RUNDC3B: variants seen among roughly 807,000 people sequenced by gnomAD.
RUNDC3B encodes the protein RUN domain-containing protein 3B.
A neutral mutation model predicts 58.4 loss-of-function variants in RUNDC3B; 33 were observed. The ratio of observed to expected loss-of-function variants is 0.56; its 90% CI spans 0.43 to 0.75. RUNDC3B has a LOEUF of 0.75. Among genes scored for constraint, RUNDC3B ranks in the 30% least tolerant of loss-of-function variants. The pLI is 0.00. For synonymous variants in RUNDC3B, 193 were observed against 195.2 expected (o/e 0.99, Z 0.10); for missense variants, 501 against 535.7 (o/e 0.94, Z 0.64).
intron 2 of RUNDC3B, among the ~76,000 whole-genome samples, chr7:87,682,550 TG>T (rs1827032700): frequency 6.6e-6 from 1 of 152,248 alleles, no homozygotes. Flanking sequence ...ATTAATCTCC[TG>T]GTACATCTCT....
At chr7:87,649,996 T>C (rs1823418547) in intron 1 of RUNDC3B, among the ~76,000 whole-genome samples, 1 of 152,194 alleles carries the variant, frequency 6.6e-6, no homozygotes, top group South Asian at 2.1e-4. Flanking sequence ...ATCTCTTTCC[T>C]TTATAAATTA....
At position 87,643,367 on chromosome 7, in the gene RUNDC3B, T is replaced by G. The variant is rs1822644403; in HGVS notation, c.123-7455T>G. ...ATAAAAGTTTATTTACAAAAACATTTAACTAGTTGTATTAGGCCTGTGGAC... is the reference window on the plus strand; with the variant it reads ...ATAAAAGTTTATTTACAAAAACATTGAACTAGTTGTATTAGGCCTGTGGAC... On this transcript the variant is annotated intron_variant, in intron 1 of 10. Coordinates refer to ENST00000394654, the MANE Select transcript of RUNDC3B (RefSeq NM_001134405.2). Among the ~76,000 whole-genome samples the G allele has an allele frequency of 3.3e-5, 5 of 152,304 alleles. No homozygotes were observed. In the South Asian group the frequency reaches 8.3e-4, roughly 25 times the overall value.
chr7:87,793,625 A>G (rs1006860797), intron 8 of RUNDC3B, among the ~76,000 whole-genome samples: 3 of 152,166 alleles, frequency 2.0e-5, no homozygotes, highest in African/African-American at 7.2e-5. Context: ...AACATTCAAC[A>G]TTCCTTCATG....
At chr7:87,775,527 G>A (rs1260192875) in intron 7 of RUNDC3B, among the ~76,000 whole-genome samples, 1 of 152,112 alleles carries the variant, frequency 6.6e-6, no homozygotes, top group Non-Finnish European at 1.5e-5. Flanking sequence ...GTATAGCCTA[G>A]GCGTACAGTG....
At chr7:87,734,180 A>G (rs1477113679) in intron 4 of RUNDC3B, among the ~76,000 whole-genome samples, 2 of 152,224 alleles carry the variant, frequency 1.3e-5, no homozygotes, top group Non-Finnish European at 2.9e-5. Flanking sequence ...AATCTTTCAT[A>G]CATTGCTGGT....
intron 4 of RUNDC3B, among the ~76,000 whole-genome samples, chr7:87,735,549 G>A (rs1006931758): frequency 3.3e-5 from 5 of 152,128 alleles, no homozygotes; most frequent in African/African-American, 1.2e-4. Flanking sequence ...TGTCTATCTT[G>A]GACAAATTGC....
chr7:87,710,509 G>T (rs1435311760), intron 3 of RUNDC3B, 61 bp from the exon 4 acceptor site: 8 of 907,418 alleles, frequency 8.8e-6, no homozygotes, highest in Non-Finnish European at 1.4e-5. Flanking sequence ...ATTTTTGATG[G>T]CACAGTGGCA....
chr7:87,807,811 C>T (rs1836516312), intron 9 of RUNDC3B, among the ~76,000 whole-genome samples: 1 of 151,940 alleles, frequency 6.6e-6, no homozygotes, highest in Non-Finnish European at 1.5e-5. Flanking sequence ...GTGGTATTTG[C>T]CTTAGGACTA....
chr7:87,829,512 A>C (rs1323185429), intron 10 of RUNDC3B, among the ~76,000 whole-genome samples: 1 of 152,094 alleles, frequency 6.6e-6, no homozygotes, highest in African/African-American at 2.4e-5. Context: ...ATACATGTGC[A>C]GCTTTATTTC....
At chr7:87,806,946 C>A (rs924899775) in intron 8 of RUNDC3B, among the ~76,000 whole-genome samples, 1 of 151,206 alleles carries the variant, frequency 6.6e-6, no homozygotes, top group African/African-American at 2.4e-5. Flanking sequence ...TTTTCCTTTA[C>A]TTGAATTAAA....
intron 2 of RUNDC3B, among the ~76,000 whole-genome samples, chr7:87,694,383 C>G (rs1828305619): frequency 6.6e-6 from 1 of 152,140 alleles, no homozygotes; most frequent in Admixed American, 6.5e-5. Flanking sequence ...CCTTTATTTA[C>G]TTATTCAAAC....
At chr7:87,672,289 T>C (rs1825900787) in intron 2 of RUNDC3B, among the ~76,000 whole-genome samples, 1 of 152,226 alleles carries the variant, frequency 6.6e-6, no homozygotes, top group Non-Finnish European at 1.5e-5. Flanking sequence ...AGTTGTGCTA[T>C]GCTGGGGGAT....
rs200180634 is a variant in RUNDC3B, at chr7:87,830,440, CAA to C, written c.*428_*429del. On this transcript the variant is annotated 3_prime_UTR_variant, in exon 11 of 11. Transcript: ENST00000394654. ...GTATTTTTTCATTCTTTCAGATTTT[CAA>C]AAAAAAAAAAAAAAAAAGTTAATTT... The C allele has an allele frequency of 5.2e-4, 39 of 74,432 alleles. No homozygotes were observed. The highest frequency in any genetic ancestry group is 2.2e-3 in the East Asian group (6 of 2,738). The allele number at this position is 74,432 out of a possible 1,614,324, so 4.6% of individuals were successfully genotyped here. A position where few individuals can be genotyped will look rare whatever the true frequency, so the allele number is the denominator to read the frequency against.
At chr7:87,737,189 G>T (rs1187134472) in intron 4 of RUNDC3B, among the ~76,000 whole-genome samples, 2 of 151,674 alleles carry the variant, frequency 1.3e-5, no homozygotes, top group African/African-American at 4.8e-5. Context: ...TGAGCCACCA[G>T]GCCTGGCATA....
chr7:87,820,134 C>A (rs144383621), intron 10 of RUNDC3B, among the ~76,000 whole-genome samples: 81 of 152,128 alleles, frequency 5.3e-4, no homozygotes, highest in African/African-American at 1.9e-3. Context: ...AATCGTTAGA[C>A]CGCTAGCAAG....
At position 87,628,584 on chromosome 7, in the gene RUNDC3B, CGTGT is replaced by C. The variant is rs71117546; in HGVS notation, c.-202_-199del. 29,848 of 288,544 alleles carry C rather than the reference CGTGT, an allele frequency of 0.1. 1,275 individuals carry two copies. The highest frequency in any genetic ancestry group is 0.18 in the East Asian group (3,340 of 18,256). 17.9% of individuals were successfully genotyped at this position (288,544 alleles called of 1,614,324 possible). A position where few individuals can be genotyped will look rare whatever the true frequency, so the allele number is the denominator to read the frequency against. ...CGAGGGCGGAGGTGGTGCGTGCGTG[CGTGT>C]GTGTGTGTGTGTGTGTGTGTGTGTG... On this transcript the variant is annotated 5_prime_UTR_variant, in exon 1 of 11. Transcript: ENST00000394654.
At chr7:87,719,730 G>C (rs1830755068) in intron 4 of RUNDC3B, among the ~76,000 whole-genome samples, 1 of 151,654 alleles carries the variant, frequency 6.6e-6, no homozygotes, top group African/African-American at 2.4e-5. Flanking sequence ...GTGATGAGGA[G>C]ATTTGTAATG....
At chr7:87,781,739 G>C (rs1834934883) in intron 8 of RUNDC3B, among the ~76,000 whole-genome samples, 1 of 151,954 alleles carries the variant, frequency 6.6e-6, no homozygotes, top group Non-Finnish European at 1.5e-5. Flanking sequence ...CTATTGATAT[G>C]ATCATACGGT....
intron 3 of RUNDC3B, among the ~76,000 whole-genome samples, chr7:87,703,673 T>C (rs1264700847): frequency 2.6e-5 from 4 of 151,682 alleles, no homozygotes; most frequent in Admixed American, 2.0e-4. Flanking sequence ...TTTCTTTTTT[T>C]AATTAAATTT....
Sources: gnomAD v4.1 joint callset for allele counts (sites outside exome capture counted in the v4.1 genomes callset) on GRCh38, gnomAD v4.1.1 for gene constraint, MANE v1.5 for transcripts, NCBI Gene and HGNC (gene_info 2026-07-23, HGNC 2026-07-21) for gene names.